PODN: variants seen among roughly 807,000 people sequenced by gnomAD.
PODN encodes the protein podocan.
Under a neutral mutation model 52.7 loss-of-function variants are expected in PODN, and 40 were observed. The ratio of observed to expected loss-of-function variants is 0.76; its 90% CI spans 0.59 to 0.99. PODN has a LOEUF of 0.99. PODN is among the 50% of genes least tolerant of loss of function. The probability of loss-of-function intolerance (pLI) is 0.00; values close to 1 mark genes in which losing one functional copy is unlikely to be tolerated. For synonymous variants in PODN, 396 were observed against 377.9 expected (o/e 1.05, Z -0.56); for missense variants, 720 against 815.1 (o/e 0.88, Z 1.42).
At chr1:53,062,921 C>T (rs925887504) in intron 1 of PODN, among the ~76,000 whole-genome samples, 3 of 152,254 alleles carry the variant, frequency 2.0e-5, no homozygotes, top group Non-Finnish European at 4.4e-5. Flanking sequence ...CTAAAGGTCT[C>T]AGCTGGCGGT....
At chr1:53,075,048 G>A (rs946707920) in intron 4 of PODN, among the ~76,000 whole-genome samples, 1 of 152,188 alleles carries the variant, frequency 6.6e-6, no homozygotes, top group African/African-American at 2.4e-5. Context: ...AATGTCATGA[G>A]TGAAGGCACA....
At chr1:53,077,547 T>G in intron 6 of PODN, 138 bp from the exon 7 acceptor site, 3 of 1,127,382 alleles carry the variant, frequency 2.7e-6, no homozygotes, top group Non-Finnish European at 3.8e-6. Flanking sequence ...GTGGCGTTGG[T>G]GGCCCCACAC....
intron 10 of PODN, among the ~76,000 whole-genome samples, 175 bp downstream of exon 10, chr1:53,082,363 C>T (rs1413802825): frequency 6.6e-6 from 1 of 152,186 alleles, no homozygotes; most frequent in East Asian, 1.9e-4. Context: ...AAGGTTGAAG[C>T]CTACGGGAGG....
intron 5 of PODN, 35 bp downstream of exon 5, chr1:53,076,006 G>C: frequency 6.7e-7 from 1 of 1,499,774 alleles, no homozygotes; most frequent in Non-Finnish European, 9.1e-7. Flanking sequence ...CTCGGGCTGG[G>C]GCAAGGGGAG....
chr1:53,083,044 T>C (rs1369091351), intron 10 of PODN, among the ~76,000 whole-genome samples: 2 of 152,184 alleles, frequency 1.3e-5, no homozygotes, highest in Non-Finnish European at 2.9e-5. Context: ...AACTGAGCAC[T>C]GAGGGAGCTG....
chr1:53,073,167 C>A, intron 3 of PODN: 1 of 222,864 alleles, frequency 4.5e-6, no homozygotes, highest in South Asian at 7.8e-5. Context: ...TACCAACAGT[C>A]ATGGCTCCTA....
At chr1:53,071,224 G>T (rs1040715017) in intron 2 of PODN, 2 of 225,096 alleles carry the variant, frequency 8.9e-6, no homozygotes, top group Admixed American at 1.1e-4. Flanking sequence ...TGCCTGTCAC[G>T]AGGTGGGAAC....
intron 3 of PODN, among the ~76,000 whole-genome samples, chr1:53,074,245 C>A (rs1366412025): frequency 6.6e-6 from 1 of 152,238 alleles, no homozygotes; most frequent in Non-Finnish European, 1.5e-5. Context: ...GCCCGGCCCC[C>A]CTGCCTGTGG....
chr1:53,077,940 C>A (rs1644221413), intron 7 of PODN, 140 bp downstream of exon 7: 1 of 645,022 alleles, frequency 1.6e-6, no homozygotes, highest in Non-Finnish European at 2.6e-6. Context: ...AAGCCTTGTG[C>A]CTCTGTTGAC....
At chr1:53,066,565 G>A (rs1644036295) in intron 1 of PODN, among the ~76,000 whole-genome samples, 1 of 152,098 alleles carries the variant, frequency 6.6e-6, no homozygotes, top group Non-Finnish European at 1.5e-5. Flanking sequence ...GCAGCTGTGG[G>A]CCTCTGAAGG....
chr1:53,078,240 A>G (rs1644225386), intron 7 of PODN, 125 bp from the exon 8 acceptor site: 2 of 973,794 alleles, frequency 2.1e-6, no homozygotes. Flanking sequence ...GAGGGCCCAC[A>G]GTCAGTGAGC....
At chr1:53,077,395 G>T in intron 6 of PODN, 49 bp downstream of exon 6, 2 of 1,601,322 alleles carry the variant, frequency 1.2e-6, no homozygotes, top group Non-Finnish European at 1.7e-6. Context: ...CACAGCCAGG[G>T]CACTGGGGCA....
At chr1:53,080,387 T>C (rs896137237) in intron 8 of PODN, among the ~76,000 whole-genome samples, 1 of 152,222 alleles carries the variant, frequency 6.6e-6, no homozygotes, top group Non-Finnish European at 1.5e-5. Flanking sequence ...GAATGACAAG[T>C]GTGTCAGGAG....
At chr1:53,069,736 T>C in intron 1 of PODN, 65 bp from the exon 2 acceptor site, 1 of 1,511,170 alleles carries the variant, frequency 6.6e-7, no homozygotes, top group Non-Finnish European at 8.8e-7. Context: ...TGGGCCCTGC[T>C]TTGTGCTCGG....
Position 53,070,058 on chromosome 1 carries a change from G to GC in PODN, c.208dup (p.Arg70ProfsTer17), listed in dbSNP as rs759444317. 6.2e-7 allele frequency: 1 copy of GC among 1,612,904 alleles called. No individual in the cohort carries two copies. The highest frequency in any genetic ancestry group is 8.5e-7 in the Non-Finnish European group (1 of 1,179,990). Reference sequence around the variant, plus strand: ...GGGCCTGGCCCAGCCGCGGTCAGCTGCCCCCGAGACTGTGCCTGTTCCCAG... The same window carrying GC: ...GGGCCTGGCCCAGCCGCGGTCAGCTGCCCCCCGAGACTGTGCCTGTTCCCAG... On this transcript the variant is annotated frameshift_variant, in exon 2 of 11. Coordinates refer to ENST00000312553, the MANE Select transcript of PODN (RefSeq NM_153703.5). LOFTEE classifies it high-confidence loss of function.
rs370137761 is a variant in PODN at position 53,077,804 on chromosome 1, A to G, written c.854+4A>G. On this transcript the variant is annotated splice_donor_region_variant and intron_variant, in intron 7 of 10. Coordinates refer to ENST00000312553, the MANE Select transcript of PODN (RefSeq NM_153703.5). ...GCCTGGACAACGAGACCTTCTGGTG[A>G]GTCCTTGTCTCACCAGGTCCTTGGC... The G allele has an allele frequency of 1.2e-6, 2 of 1,612,030 alleles. No homozygotes were observed. Among genetic ancestry groups the G allele is most frequent in the African/African-American group, 2.7e-5 (2 of 74,860 alleles).
intron 1 of PODN, among the ~76,000 whole-genome samples, chr1:53,064,054 C>G (rs577105628): frequency 6.6e-6 from 1 of 152,348 alleles, no homozygotes; most frequent in East Asian, 1.9e-4. Flanking sequence ...CAACTCAAGG[C>G]TCTGGGCAGG....
intron 1 of PODN, among the ~76,000 whole-genome samples, chr1:53,064,262 GA>G (rs1277070326): frequency 6.6e-6 from 1 of 152,204 alleles, no homozygotes; most frequent in African/African-American, 2.4e-5. Context: ...GCTGAGACTT[GA>G]AGGATAAAGC....
In PODN at chr1:53,077,262, C is replaced by T. The variant is rs369689743; in HGVS notation, c.654C>T (p.Asn218=). The change falls in exon 6 of 11, where the codon AAC becomes AAT. Residue 218 remains asparagine, a synonymous_variant. Transcript: ENST00000312553. ...ACAACATGTTCAACGGCTCCAGCAA[C>T]GTCGAGGTCCTCATCCTGTCCAGCA... ...LPDNMFNGSS[N]VEVLILSSNF... 66 of 1,613,482 alleles carry T rather than the reference C, an allele frequency of 4.1e-5. 3 individuals are homozygous for T. The South Asian group carries it at 5.7e-4, about 14-fold the overall frequency.
Sources: gnomAD v4.1 joint callset for allele counts (sites outside exome capture counted in the v4.1 genomes callset) on GRCh38, gnomAD v4.1.1 for gene constraint, MANE v1.5 for transcripts, NCBI Gene and HGNC (gene_info 2026-07-23, HGNC 2026-07-21) for gene names.